Variants in SPATA16 observed in about 807,000 individuals in gnomAD.
The protein encoded by SPATA16 is spermatogenesis-associated protein 16.
In SPATA16, 36 loss-of-function variants were observed where a neutral mutation model predicts 63.3. The ratio of observed to expected loss-of-function variants is 0.57; its 90% CI spans 0.44 to 0.75. The LOEUF (loss-of-function observed/expected upper bound fraction) is 0.75, where lower values mean the gene tolerates loss of function less well. SPATA16 is among the 30% of genes least tolerant of loss of function. The pLI, the probability that SPATA16 is intolerant of heterozygous loss-of-function variation, is 0.00. For synonymous variants in SPATA16, 203 were observed against 216.7 expected, an observed-to-expected ratio of 0.94 and a Z score of 0.56; for missense variants, 646 against 679.3, an observed-to-expected ratio of 0.95 and a Z score of 0.54.
chr3:173,109,617 T>C (rs893050943), intron 2 of SPATA16, among the ~76,000 whole-genome samples: 1 of 152,178 alleles, frequency 6.6e-6, no homozygotes, highest in African/African-American at 2.4e-5. Context: ...CCATTGAAGG[T>C]AAATAAATTA....
intron 7 of SPATA16, among the ~76,000 whole-genome samples, chr3:172,924,680 G>A (rs1732688160): frequency 6.6e-6 from 1 of 152,176 alleles, no homozygotes; most frequent in Non-Finnish European, 1.5e-5. Context: ...TATTATTCAA[G>A]TGTGCAGATC....
chr3:172,947,175 A>G (rs1054892977), intron 6 of SPATA16, among the ~76,000 whole-genome samples: 1 of 152,186 alleles, frequency 6.6e-6, no homozygotes, highest in Non-Finnish European at 1.5e-5. Flanking sequence ...GGCTGCAGGG[A>G]TCAAAGATTT....
chr3:173,065,260 CTT>C (rs11389955), intron 2 of SPATA16, among the ~76,000 whole-genome samples: 2 of 147,242 alleles, frequency 1.4e-5, no homozygotes, highest in Admixed American at 1.4e-4. Context: ...TCAAGAAACA[CTT>C]TTTTTTTTTT....
rs186672969 is a variant in SPATA16, at chr3:172,997,664, T to C, written c.849-20612A>G. On this transcript the variant is annotated intron_variant, in intron 4 of 10. Coordinates refer to ENST00000351008, the MANE Select transcript of SPATA16 (RefSeq NM_031955.6). ...CATGGATTGTGACTTCAGTGTTGTA[T>C]CTAAAAAGTCATTATTATACCCAAG... Among the ~76,000 whole-genome samples, 9 of 152,270 alleles carry C rather than the reference T, an allele frequency of 5.9e-5. No homozygotes were observed. In the East Asian group the frequency reaches 1.7e-3, roughly 29 times the overall value.
At chr3:172,956,546 G>A (rs572958934) in intron 6 of SPATA16, 131 bp downstream of exon 6, 42 of 971,876 alleles carry the variant, frequency 4.3e-5, no homozygotes, top group South Asian at 5.1e-5. Context: ...ATTTCTTTCC[G>A]TTTCAAGTCA....
rs116054986 is a variant in SPATA16, at chr3:172,978,809, A to G, written c.849-1757T>C. 4.0e-3 allele frequency among the ~76,000 whole-genome samples: 603 copies of G among 152,366 alleles called. 2 individuals are homozygous for G. The highest frequency in any genetic ancestry group is 0.014 in the African/African-American group (577 of 41,586). On this transcript the variant is annotated intron_variant, in intron 4 of 10. Coordinates refer to ENST00000351008, the MANE Select transcript of SPATA16 (RefSeq NM_031955.6). ...CTTTGCAGAAGCAGCTATAGACAATACATAAACCAATTAGCGTGGCTGTCT... is the reference window on the plus strand; with the variant it reads ...CTTTGCAGAAGCAGCTATAGACAATGCATAAACCAATTAGCGTGGCTGTCT...
At chr3:173,049,868 T>C (rs1560106973) in intron 2 of SPATA16, among the ~76,000 whole-genome samples, 1 of 152,096 alleles carries the variant, frequency 6.6e-6, no homozygotes, top group Admixed American at 6.6e-5. Flanking sequence ...CACTTTTTTT[T>C]CCCCTCAGAG....
chr3:172,972,461 G>A (rs930034803), intron 5 of SPATA16, among the ~76,000 whole-genome samples: 1 of 152,164 alleles, frequency 6.6e-6, no homozygotes, highest in African/African-American at 2.4e-5. Flanking sequence ...AGAGAAGTTT[G>A]TTGACAATCC....
chr3:172,898,727 C>T (rs1452242260), intron 10 of SPATA16, among the ~76,000 whole-genome samples: 1 of 150,784 alleles, frequency 6.6e-6, no homozygotes, highest in East Asian at 1.9e-4. Flanking sequence ...CTAGTTTAAT[C>T]CTTATTGTTT....
At chr3:172,941,810 T>C (rs1321019003) in intron 6 of SPATA16, among the ~76,000 whole-genome samples, 1 of 152,130 alleles carries the variant, frequency 6.6e-6, no homozygotes, top group East Asian at 1.9e-4. Flanking sequence ...TAATAATTAA[T>C]TTAAGGATGG....
chr3:173,093,471 T>C (rs1314045097), intron 2 of SPATA16, among the ~76,000 whole-genome samples: 3 of 152,146 alleles, frequency 2.0e-5, no homozygotes, highest in Non-Finnish European at 1.5e-5. Context: ...CATGTCTGCT[T>C]TGGATTATAT....
At chr3:172,920,172 T>C (rs1344945006) in intron 8 of SPATA16, among the ~76,000 whole-genome samples, 1 of 152,232 alleles carries the variant, frequency 6.6e-6, no homozygotes, top group African/African-American at 2.4e-5. Context: ...CTGTGTGAAC[T>C]TGAATATATC....
chr3:172,913,793 A>C (rs1172272304), intron 9 of SPATA16, 49 bp from the exon 10 acceptor site: 2 of 1,491,262 alleles, frequency 1.3e-6, no homozygotes, highest in Admixed American at 3.4e-5. Flanking sequence ...CACAGAAATA[A>C]CTTCTCTAAA....
chr3:173,052,343 G>A (rs1736119875), intron 2 of SPATA16, among the ~76,000 whole-genome samples: 1 of 152,068 alleles, frequency 6.6e-6, no homozygotes, highest in Non-Finnish European at 1.5e-5. Context: ...ATGAAACCAA[G>A]CTGAAAGACA....
intron 2 of SPATA16, among the ~76,000 whole-genome samples, chr3:173,104,739 C>T (rs1737580024): frequency 6.6e-6 from 1 of 152,126 alleles, no homozygotes; most frequent in South Asian, 2.1e-4. Flanking sequence ...TTTATCTTTC[C>T]ATCTGTCTCC....
At chr3:173,065,831 T>C (rs556036283) in intron 2 of SPATA16, among the ~76,000 whole-genome samples, 2 of 152,162 alleles carry the variant, frequency 1.3e-5, no homozygotes, top group South Asian at 4.1e-4. Flanking sequence ...CCTGACCCAG[T>C]ATGAGGAGCC....
At chr3:172,946,146 C>G (rs1285424248) in intron 6 of SPATA16, among the ~76,000 whole-genome samples, 2 of 152,194 alleles carry the variant, frequency 1.3e-5, no homozygotes, top group East Asian at 1.9e-4. Flanking sequence ...GAGCCCAGTC[C>G]TAGCAGGGTT....
chr3:173,086,901 TATGA>T (rs1456068419), intron 2 of SPATA16, among the ~76,000 whole-genome samples: 1 of 151,688 alleles, frequency 6.6e-6, no homozygotes, highest in African/African-American at 2.4e-5. Flanking sequence ...CTAAGAGACT[TATGA>T]TTTCAGCTCT....
intron 1 of SPATA16, among the ~76,000 whole-genome samples, chr3:173,117,957 G>T (rs1437711262): frequency 6.6e-6 from 1 of 152,148 alleles, no homozygotes; most frequent in Non-Finnish European, 1.5e-5. Flanking sequence ...AGAATTTGTT[G>T]TAAACACATC....
Sources: allele counts gnomAD v4.1 joint callset (sites outside exome capture counted in the v4.1 genomes callset), GRCh38; gene constraint gnomAD v4.1.1; transcripts MANE v1.5; gene names NCBI Gene and HGNC (gene_info 2026-07-23, HGNC 2026-07-21).